The following SLCO2B1 variants were observed in gnomAD, a reference collection of about 807,000 sequenced individuals.
SLCO2B1 encodes the protein solute carrier organic anion transporter family member 2B1.
A neutral mutation model predicts 67.3 loss-of-function variants in SLCO2B1; 41 were observed. That is an observed-to-expected ratio of 0.61 (90% confidence interval 0.47 to 0.79). The LOEUF (loss-of-function observed/expected upper bound fraction) is 0.79. Ranked by LOEUF, SLCO2B1 falls within the 30% of genes least tolerant of loss-of-function variation. The pLI, the probability that SLCO2B1 is intolerant of heterozygous loss-of-function variation, is 0.00. For missense variants in SLCO2B1, 837 were observed against 920.1 expected (o/e 0.91, Z 1.17); for synonymous variants, 379 against 381.4 (o/e 0.99, Z 0.07).
At chr11:75,202,833 C>G (rs1032914968) in intron 11 of SLCO2B1, 68 bp from the exon 12 acceptor site, 5 of 1,367,104 alleles carry the variant, frequency 3.7e-6, no homozygotes. Context: ...AACCCTTCAA[C>G]GTTGATGCAT....
At chr11:75,162,995 A>T (rs1280615763) in intron 2 of SLCO2B1, 1 of 509,926 alleles carries the variant, frequency 2.0e-6, no homozygotes, top group East Asian at 3.6e-5. Context: ...CGCTCCTCCC[A>T]GAGAGGAAAG....
chr11:75,201,940 G>A (rs1945189540), intron 11 of SLCO2B1: 2 of 152,136 alleles, frequency 1.3e-5, no homozygotes, highest in Admixed American at 6.5e-5. Flanking sequence ...CTCTAATCCT[G>A]CCTTGGTCCC....
At chr11:75,166,883 G>T (rs1407675530) in intron 4 of SLCO2B1, among the ~76,000 whole-genome samples, 1 of 152,146 alleles carries the variant, frequency 6.6e-6, no homozygotes, top group Non-Finnish European at 1.5e-5. Flanking sequence ...GACTGTCAGA[G>T]AGCAGGTTTC....
Position 75,169,282 on chromosome 11 carries a change from G to A in SLCO2B1, c.558G>A (p.Leu186=), listed in dbSNP as rs1325482043. ...CAAGCTACACAGAAACCCAGCATCT[G>A]AGTGTGGTGGGGATCATGTTCGTGG... ...NCSSYTETQH[L]SVVGIMFVAQ... Residue 186 remains leucine, a synonymous_variant, in exon 5 of 14, where the codon CTG becomes CTA. Transcript: ENST00000289575. 6.2e-7 allele frequency: 1 copy of A among 1,614,208 alleles called. No individual in the cohort carries two copies. Among genetic ancestry groups the A allele is most frequent in the Non-Finnish European group, 8.5e-7 (1 of 1,180,036 alleles).
At chr11:75,186,365 T>G (rs923801400) in intron 7 of SLCO2B1, among the ~76,000 whole-genome samples, 3 of 152,030 alleles carry the variant, frequency 2.0e-5, no homozygotes, top group African/African-American at 7.2e-5. Context: ...TGAGCCACCA[T>G]GCCTGGCTAA....
intron 7 of SLCO2B1, among the ~76,000 whole-genome samples, chr11:75,183,794 A>T (rs773944193): frequency 6.6e-6 from 1 of 152,162 alleles, no homozygotes; most frequent in Non-Finnish European, 1.5e-5. Context: ...AAAATGCTGG[A>T]ATTACAGGTG....
Position 75,203,338 on chromosome 11 carries a change from C to T in SLCO2B1, c.1860C>T (p.Ser620=), listed in dbSNP as rs953278999. The T allele has an allele frequency of 8.7e-6, 14 of 1,613,904 alleles. No individual in the cohort carries two copies. Among genetic ancestry groups the T allele is most frequent in the Admixed American group, 5.0e-5 (3 of 60,006 alleles). The change falls in exon 13 of 14, where the codon AGC becomes AGT. Residue 620 remains serine (S), a synonymous_variant. Transcript: ENST00000289575. ...AWMPSPVIHG[S]AIDTTCVHWA... is the part of the protein sequence containing the mutation. Reference sequence around the variant, plus strand: ...TGCCCAGCCCCGTGATCCACGGCAGCGCCATCGACACCACCTGTGTGCACT... The same window carrying T: ...TGCCCAGCCCCGTGATCCACGGCAGTGCCATCGACACCACCTGTGTGCACT...
Position 75,180,738 on chromosome 11 carries a change from G to A in SLCO2B1, c.973-7398G>A, listed in dbSNP as rs375278231. 2.5e-4 allele frequency among the ~76,000 whole-genome samples: 38 copies of A among 152,312 alleles called. No homozygotes were observed. The South Asian group carries it at 4.4e-3, about 17-fold the overall frequency. Reference sequence around the variant, plus strand: ...TATTACTTACTCTGTACCATGCAATGTTCTAAGACCTTTGTATGGATGATC... The same window carrying A: ...TATTACTTACTCTGTACCATGCAATATTCTAAGACCTTTGTATGGATGATC... On this transcript the variant is annotated intron_variant, in intron 7 of 13. Transcript: ENST00000289575.
At chr11:75,196,756 C>G in intron 10 of SLCO2B1, 77 bp downstream of exon 10, 1 of 1,335,470 alleles carries the variant, frequency 7.5e-7, no homozygotes, top group East Asian at 2.4e-5. Context: ...GTCATACTCT[C>G]CACTTCTGCA....
rs150857563 is a variant in SLCO2B1 at position 75,178,301 on chromosome 11, A to C, written c.972+5732A>C. 1.1e-4 allele frequency among the ~76,000 whole-genome samples: 16 copies of C among 152,210 alleles called. 1 individual carries two copies. The East Asian group carries it at 3.1e-3, about 29-fold the overall frequency. On this transcript the variant is annotated intron_variant, in intron 7 of 13. Coordinates refer to ENST00000289575, the MANE Select transcript of SLCO2B1 (RefSeq NM_007256.5). The stretch of plus-strand genomic sequence containing the variant: ...ATAACATCTGCATCTCGGGGTCTTT[A>C]TAAGAATGAAGTGAGGCAAAGTGGT...
Position 75,204,469 on chromosome 11 carries a change from GAGGCAGC to G in SLCO2B1, c.2023_2029del (p.Gln675ThrfsTer15). On this transcript the variant is annotated frameshift_variant, in exon 14 of 14. Coordinates refer to ENST00000289575, the MANE Select transcript of SLCO2B1 (RefSeq NM_007256.5). LOFTEE classifies it low-confidence loss of function (END_TRUNC). ...GCTTCGCCTTAGTTTTGGCTGTCCT[GAGGCAGC>G]AGGACAAAGAGGCAAGGACCAAAGA... is the stretch of plus-strand genomic sequence containing the variant. 6.2e-7 allele frequency: 1 copy of G among 1,613,442 alleles called. No individual in the cohort carries two copies. The highest frequency in any genetic ancestry group is 8.5e-7 in the Non-Finnish European group (1 of 1,179,678).
In SLCO2B1 at chr11:75,179,218, A is replaced by ATTTTTT. The variant is rs373993870; in HGVS notation, c.972+6671_972+6676dup. Among the ~76,000 whole-genome samples the ATTTTTT allele has an allele frequency of 2.8e-4, 19 of 66,686 alleles. 4 individuals carry two copies. Among genetic ancestry groups the ATTTTTT allele is most frequent in the African/African-American group, 5.5e-4 (9 of 16,264 alleles). The allele number at this position is 66,686 out of a possible 152,430, so 43.7% of individuals were successfully genotyped here. A position where few individuals can be genotyped will look rare whatever the true frequency, so the allele number is the denominator to read the frequency against. On this transcript the variant is annotated intron_variant, in intron 7 of 13. Coordinates refer to ENST00000289575, the MANE Select transcript of SLCO2B1 (RefSeq NM_007256.5). ...TGGGTATGTTTATTGGATACATGAG[A>ATTTTTT]TTTTTTTTTTTTTTTTTTTTTTTTT...
At chr11:75,162,506 GA>G (rs1949833042) in intron 1 of SLCO2B1, 148 bp from the exon 2 acceptor site, 8 of 874,090 alleles carry the variant, frequency 9.2e-6, no homozygotes, top group Admixed American at 2.5e-5. Flanking sequence ...GAGGAAGGCT[GA>G]AGGTGATTTG....
intron 6 of SLCO2B1, among the ~76,000 whole-genome samples, chr11:75,171,045 A>G (rs1335485111): frequency 1.3e-5 from 2 of 152,178 alleles, no homozygotes; most frequent in African/African-American, 4.8e-5. Flanking sequence ...GGAGAGGTGC[A>G]TGTGTGAGCT....
chr11:75,194,340 AG>A (rs565871154), intron 9 of SLCO2B1, among the ~76,000 whole-genome samples: 67 of 152,268 alleles, frequency 4.4e-4, no homozygotes, highest in African/African-American at 1.6e-3. Flanking sequence ...AAACTGCTCC[AG>A]GCTTAGGTTG....
intron 4 of SLCO2B1, among the ~76,000 whole-genome samples, chr11:75,166,999 G>A (rs543579147): frequency 2.6e-5 from 4 of 152,318 alleles, no homozygotes; most frequent in South Asian, 4.1e-4. Flanking sequence ...CCAGTGGGGC[G>A]CAGGGTTGGC....
intron 1 of SLCO2B1, among the ~76,000 whole-genome samples, chr11:75,155,998 C>G (rs2851073): frequency 0.75 from 113,910 of 151,936 alleles, 43,757 homozygotes; most frequent in South Asian, 0.89. Context: ...TTTGCAGACG[C>G]AGCTGGGAGT....
chr11:75,182,319 G>A (rs1209586880), intron 7 of SLCO2B1, among the ~76,000 whole-genome samples: 4 of 152,192 alleles, frequency 2.6e-5, no homozygotes, highest in Admixed American at 6.5e-5. Context: ...TTGAGAGCCT[G>A]CTCTGCCAAT....
intron 7 of SLCO2B1, among the ~76,000 whole-genome samples, chr11:75,176,225 C>T (rs528765485): frequency 6.6e-6 from 1 of 152,164 alleles, no homozygotes; most frequent in African/African-American, 2.4e-5. Flanking sequence ...TAGTGGTGCT[C>T]CCATTCAGCC....
Sources: gnomAD v4.1 joint callset for allele counts (sites outside exome capture counted in the v4.1 genomes callset) on GRCh38, gnomAD v4.1.1 for gene constraint, MANE v1.5 for transcripts, NCBI Gene and HGNC (gene_info 2026-07-23, HGNC 2026-07-21) for gene names.